Variants in ERBB4 observed in about 807,000 individuals in gnomAD.
The protein encoded by ERBB4 is receptor tyrosine-protein kinase erbB-4.
In ERBB4, 42 loss-of-function variants were observed where a neutral mutation model predicts 158.0. That is an observed-to-expected ratio of 0.27 (90% CI 0.21 to 0.34). ERBB4 has a LOEUF of 0.34. Ranked by LOEUF, ERBB4 falls within the 10% of genes least tolerant of loss-of-function variation. The pLI, the probability that ERBB4 is intolerant of heterozygous loss-of-function variation, is 1.00. For synonymous variants in ERBB4, 583 were observed against 558.7 expected (o/e 1.04, Z -0.61); for missense variants, 1,333 against 1,624.1 (o/e 0.82, Z 3.08).
chr2:211,536,967 G>C (rs777170638), intron 20 of ERBB4, among the ~76,000 whole-genome samples: 3 of 151,840 alleles, frequency 2.0e-5, no homozygotes, highest in African/African-American at 7.2e-5. Flanking sequence ...CCTCTGTAAA[G>C]ACAGTTTTAA....
intron 14 of ERBB4, 132 bp from the exon 15 acceptor site, chr2:211,665,609 T>C: frequency 1.2e-6 from 1 of 833,152 alleles, no homozygotes; most frequent in South Asian, 1.5e-5. Context: ...GAGAACATTT[T>C]CAGCAGTGCA....
chr2:211,434,041 T>C (rs936891576), intron 20 of ERBB4, among the ~76,000 whole-genome samples: 4 of 152,224 alleles, frequency 2.6e-5, no homozygotes, highest in Non-Finnish European at 4.4e-5. Flanking sequence ...TCATCCTTAG[T>C]ATTTGTTTGA....
intron 22 of ERBB4, among the ~76,000 whole-genome samples, chr2:211,424,782 T>C (rs2063589468): frequency 6.6e-6 from 1 of 151,054 alleles, no homozygotes; most frequent in African/African-American, 2.5e-5. Context: ...CAATAAAGAA[T>C]TGTGACTCTC....
At chr2:211,385,772 C>A (rs1476871575) in intron 27 of ERBB4, among the ~76,000 whole-genome samples, 1 of 152,078 alleles carries the variant, frequency 6.6e-6, no homozygotes, top group Non-Finnish European at 1.5e-5. Flanking sequence ...TGTCCTCATG[C>A]AAACTTATAT....
intron 25 of ERBB4, among the ~76,000 whole-genome samples, chr2:211,388,925 AAC>A (rs1348117002): frequency 1.3e-5 from 2 of 152,188 alleles, no homozygotes; most frequent in African/African-American, 4.8e-5. Context: ...GATAATGCAA[AAC>A]ACAGACCCAA....
intron 2 of ERBB4, among the ~76,000 whole-genome samples, chr2:212,049,309 G>A (rs769105165): frequency 6.6e-6 from 1 of 152,086 alleles, no homozygotes; most frequent in Non-Finnish European, 1.5e-5. Context: ...CTTTCCAGTT[G>A]TGCTACAATA....
chr2:211,398,096 TC>T (rs2062958784), intron 25 of ERBB4, among the ~76,000 whole-genome samples: 1 of 151,960 alleles, frequency 6.6e-6, no homozygotes, highest in African/African-American at 2.4e-5. Flanking sequence ...TCTTCTTCTC[TC>T]CCTGGCCTGC....
At chr2:211,571,041 C>CTTTTTTTTTTTTTT (rs549254649) in intron 19 of ERBB4, among the ~76,000 whole-genome samples, 2 of 109,078 alleles carry the variant, frequency 1.8e-5, no homozygotes, top group Admixed American at 1.2e-4. Flanking sequence ...TACTCTTCTT[C>CTTTTTTTTTTTTTT]TTTTTTTTTT....
chr2:212,231,010 G>A (rs894539148), intron 1 of ERBB4, among the ~76,000 whole-genome samples: 1 of 152,148 alleles, frequency 6.6e-6, no homozygotes, highest in African/African-American at 2.4e-5. Flanking sequence ...GAAATGTTGA[G>A]TTATCTTTCT....
intron 1 of ERBB4, among the ~76,000 whole-genome samples, chr2:212,276,538 C>G (rs933115131): frequency 3.3e-5 from 5 of 151,674 alleles, no homozygotes; most frequent in African/African-American, 1.2e-4. Flanking sequence ...AGGGAAGGAG[C>G]AATGAGAAGA....
intron 26 of ERBB4, 87 bp downstream of exon 26, chr2:211,387,858 G>C: frequency 9.5e-7 from 1 of 1,054,870 alleles, no homozygotes; most frequent in Non-Finnish European, 1.5e-6. Flanking sequence ...AAGGCAAAAT[G>C]AGGAAATTAT....
chr2:212,202,352 T>C lies in ERBB4; in HGVS notation c.83-77449A>G, dbSNP rs573684039. ...ATGTTTTGACATGAAATATTAATTT[T>C]TTATTTTTATTTTTTTGAGATAGGG... On this transcript the variant is annotated intron_variant, in intron 1 of 27. Coordinates refer to ENST00000342788, the MANE Select transcript of ERBB4 (RefSeq NM_005235.3). 7.2e-5 allele frequency among the ~76,000 whole-genome samples: 11 copies of C among 152,264 alleles called. No homozygotes were observed. In the East Asian group the frequency reaches 1.9e-3, roughly 27 times the overall value.
intron 2 of ERBB4, among the ~76,000 whole-genome samples, chr2:212,118,454 TATTC>T (rs775552061): frequency 6.6e-6 from 1 of 152,172 alleles, no homozygotes; most frequent in Non-Finnish European, 1.5e-5. Flanking sequence ...AGAAGAGGAA[TATTC>T]ATGAGAAAGA....
intron 25 of ERBB4, among the ~76,000 whole-genome samples, chr2:211,413,709 A>G (rs937769848): frequency 1.3e-5 from 2 of 151,986 alleles, no homozygotes; most frequent in African/African-American, 4.8e-5. Context: ...AAAGTTATGC[A>G]TAGAGGCGAT....
chr2:212,143,477 A>G (rs1362465721), intron 1 of ERBB4, among the ~76,000 whole-genome samples: 1 of 152,124 alleles, frequency 6.6e-6, no homozygotes, highest in Non-Finnish European at 1.5e-5. Context: ...TATCCTGGGA[A>G]AAAAAGGAAC....
intron 2 of ERBB4, among the ~76,000 whole-genome samples, chr2:212,038,205 A>G (rs1479901506): frequency 6.6e-6 from 1 of 152,066 alleles, no homozygotes; most frequent in Non-Finnish European, 1.5e-5. Flanking sequence ...CCTTTTATAA[A>G]TACAATATAA....
chr2:212,407,391 A>T (rs562757585), intron 1 of ERBB4, among the ~76,000 whole-genome samples: 2 of 152,130 alleles, frequency 1.3e-5, no homozygotes, highest in Admixed American at 6.6e-5. Context: ...TCTAATCAAT[A>T]CATAACTAAC....
rs978715740 is a variant in ERBB4 at position 211,382,701 on chromosome 2, A to G, written c.*914T>C. On this transcript the variant is annotated 3_prime_UTR_variant, in exon 28 of 28. Transcript: ENST00000342788. ...CTACTCTTCAGACAACCAACGGCCT[A>G]TCAAGTAGTGTCATTTATGGAGAAA... The G allele has an allele frequency of 4.3e-6, 1 of 232,694 alleles. No homozygotes were observed. Among genetic ancestry groups the G allele is most frequent in the Non-Finnish European group, 8.5e-6 (1 of 117,704 alleles). 14.4% of individuals were successfully genotyped at this position (232,694 alleles called of 1,614,324 possible). A position where few individuals can be genotyped will look rare whatever the true frequency, so the allele number is the denominator to read the frequency against.
intron 3 of ERBB4, among the ~76,000 whole-genome samples, chr2:211,889,031 C>G (rs1432199221): frequency 7.7e-6 from 1 of 129,508 alleles, no homozygotes; most frequent in Non-Finnish European, 1.6e-5. Flanking sequence ...GAAGCTCGAA[C>G]TGGGTAGAGC....
Sources: gnomAD v4.1 joint callset for allele counts (sites outside exome capture counted in the v4.1 genomes callset) on GRCh38, gnomAD v4.1.1 for gene constraint, MANE v1.5 for transcripts, NCBI Gene and HGNC (gene_info 2026-07-23, HGNC 2026-07-21) for gene names.